CELF4: variants seen among roughly 807,000 people sequenced by gnomAD.
The protein encoded by CELF4 is CUGBP Elav-like family member 4.
In CELF4, 18 loss-of-function variants were observed where a neutral mutation model predicts 59.9. The observed-to-expected ratio is 0.30, with a 90% confidence interval of 0.21 to 0.45. The LOEUF is 0.45. Among genes scored for constraint, CELF4 ranks in the 20% least tolerant of loss-of-function variants. The probability of loss-of-function intolerance (pLI) is 1.00; values close to 1 mark genes in which losing one functional copy is unlikely to be tolerated. For missense variants in CELF4, 456 were observed against 689.0 expected (o/e 0.66, Z 3.79); for synonymous variants, 261 against 267.1 (o/e 0.98, Z 0.22).
intron 2 of CELF4, among the ~76,000 whole-genome samples, chr18:37,465,972 GC>G (rs2154602338): frequency 6.6e-6 from 1 of 152,280 alleles, no homozygotes; most frequent in Admixed American, 6.5e-5. Context: ...GCACCAGGGA[GC>G]CATGGAGGGT....
At chr18:37,552,598 C>T (rs985449260) in intron 1 of CELF4, among the ~76,000 whole-genome samples, 4 of 152,230 alleles carry the variant, frequency 2.6e-5, no homozygotes, top group Admixed American at 2.0e-4. Context: ...ATCACTGGCT[C>T]AGCCAAGACA....
At chr18:37,389,670 G>T (rs2099136585) in intron 2 of CELF4, among the ~76,000 whole-genome samples, 1 of 152,134 alleles carries the variant, frequency 6.6e-6, no homozygotes. Flanking sequence ...CACCCCTGAG[G>T]ATGGTCACCG....
At chr18:37,498,268 CT>C (rs1298735727) in intron 1 of CELF4, among the ~76,000 whole-genome samples, 7 of 152,062 alleles carry the variant, frequency 4.6e-5, no homozygotes, top group Non-Finnish European at 8.8e-5. Flanking sequence ...GGCTTTCTCA[CT>C]TTCTGTTCTT....
chr18:37,333,419 A>G (rs1450573709), intron 2 of CELF4, among the ~76,000 whole-genome samples: 1 of 146,142 alleles, frequency 6.8e-6, no homozygotes, highest in African/African-American at 2.6e-5. Context: ...CTCCTCTCAC[A>G]TCTTCCCTGC....
At chr18:37,273,294 G>A (rs972612808) in intron 6 of CELF4, 131 bp from the exon 7 acceptor site, 1 of 1,442,078 alleles carries the variant, frequency 6.9e-7, no homozygotes, top group Non-Finnish European at 9.1e-7. Flanking sequence ...ACTCCAGAAA[G>A]CCCTGATGCC....
intron 2 of CELF4, among the ~76,000 whole-genome samples, chr18:37,356,179 C>T (rs1030907865): frequency 2.6e-5 from 4 of 152,314 alleles, no homozygotes; most frequent in Admixed American, 2.6e-4. Flanking sequence ...GACAGAACCA[C>T]CATGGGGCCA....
At chr18:37,461,464 G>T (rs1363917033) in intron 2 of CELF4, among the ~76,000 whole-genome samples, 1 of 152,154 alleles carries the variant, frequency 6.6e-6, no homozygotes, top group Non-Finnish European at 1.5e-5. Flanking sequence ...GATCTTGTGA[G>T]AACTCATTCA....
At chr18:37,457,993 T>C (rs893932872) in intron 2 of CELF4, among the ~76,000 whole-genome samples, 2 of 151,872 alleles carry the variant, frequency 1.3e-5, no homozygotes, top group African/African-American at 4.8e-5. Flanking sequence ...AGGCTGAGGG[T>C]GTTGGCAGAG....
rs1313436082 is a variant in CELF4 at position 37,321,820 on chromosome 18, A to G, written c.431T>C (p.Leu144Pro). The change falls in exon 3 of 13, where the codon CTG becomes CCG. Residue 144 changes from leucine (L) to proline (P), a missense_variant. By Grantham distance (98) the Leu-to-Pro change is moderately conservative. Around this residue, in one of 7 missense-constraint regions of CELF4, gnomAD observed 63 missense variants for 110.6 expected, o/e 0.57. Coordinates refer to ENST00000420428, the MANE Select transcript of CELF4 (RefSeq NM_020180.4). ...DSESRGGSSC[L>P]RQPPSQDRKL... ...GCCCTCACGTGAAGGGGGCTGGCGC[A>G]GGCAGCTACTACCTCCTCGGCTCTC... 7 of 1,612,256 alleles carry G rather than the reference A, an allele frequency of 4.3e-6. No individual in the cohort carries two copies. Among genetic ancestry groups the G allele is most frequent in the Non-Finnish European group, 5.9e-6 (7 of 1,179,166 alleles).
rs987724948 is a variant in CELF4, at chr18:37,510,237, C to T, written c.287-24630G>A. ...ACAACTTTACCCTCCTCCTGCCCCA[C>T]GAGTTGCAATATTCCAGCCCAGAAT... is the stretch of plus-strand genomic sequence containing the variant. On this transcript the variant is annotated intron_variant, in intron 1 of 12. Transcript: ENST00000420428. 6.6e-5 allele frequency among the ~76,000 whole-genome samples: 10 copies of T among 152,190 alleles called. No homozygotes were observed. In the South Asian group the frequency reaches 1.2e-3, roughly 19 times the overall value.
intron 2 of CELF4, among the ~76,000 whole-genome samples, chr18:37,462,174 G>T (rs55821042): frequency 0.44 from 66,595 of 151,884 alleles, 15,971 homozygotes; most frequent in East Asian, 0.65. Flanking sequence ...TGATCTGGGG[G>T]TTGCCCCTGT....
downstream of CELF4, chr18:37,243,013 C>T (rs972952247): frequency 2.0e-5 from 3 of 152,102 alleles, no homozygotes; most frequent in African/African-American, 7.2e-5. Flanking sequence ...GGCCAGAGTC[C>T]GAGAGGCACA....
At chr18:37,501,099 G>A (rs909221533) in intron 1 of CELF4, among the ~76,000 whole-genome samples, 1 of 152,238 alleles carries the variant, frequency 6.6e-6, no homozygotes, top group Non-Finnish European at 1.5e-5. Flanking sequence ...TGGAGTGAGA[G>A]AAGGTGGGGG....
intron 1 of CELF4, among the ~76,000 whole-genome samples, chr18:37,517,713 G>C (rs1200788636): frequency 6.6e-6 from 1 of 152,146 alleles, no homozygotes. Context: ...GGCTCCTGGT[G>C]GGTGTCCGAT....
intron 1 of CELF4, among the ~76,000 whole-genome samples, chr18:37,526,924 T>C (rs1273117956): frequency 2.6e-5 from 4 of 152,082 alleles, no homozygotes; most frequent in African/African-American, 9.7e-5. Context: ...CTCTGAGAGC[T>C]CTGAAACAAG....
intron 2 of CELF4, among the ~76,000 whole-genome samples, chr18:37,354,871 G>C (rs558319492): frequency 6.6e-6 from 1 of 152,334 alleles, no homozygotes; most frequent in African/African-American, 2.4e-5. Flanking sequence ...CTGGTTTGTG[G>C]TGGGAGCCAG....
intron 3 of CELF4, among the ~76,000 whole-genome samples, chr18:37,286,148 G>A (rs999020208): frequency 1.3e-5 from 2 of 152,144 alleles, no homozygotes; most frequent in Non-Finnish European, 2.9e-5. Flanking sequence ...TACAGGGCAG[G>A]AGGGGCAAGA....
chr18:37,274,020 G>A (rs1020785905), intron 6 of CELF4: 1 of 1,251,428 alleles, frequency 8.0e-7, no homozygotes, highest in Non-Finnish European at 1.0e-6. Flanking sequence ...TGATCTGGCT[G>A]AGAGGAAAAG....
At chr18:37,353,721 G>A (rs1230303476) in intron 2 of CELF4, among the ~76,000 whole-genome samples, 2 of 133,910 alleles carry the variant, frequency 1.5e-5, no homozygotes, top group African/African-American at 2.8e-5. Flanking sequence ...AGGTAGAAAT[G>A]CCAAAGAGAC....
Sources: gnomAD v4.1 joint callset for allele counts (sites outside exome capture counted in the v4.1 genomes callset) on GRCh38, gnomAD v4.1.1 for gene constraint, gnomAD v4.1.1 regional missense constraint, MANE v1.5 for transcripts, NCBI Gene and HGNC (gene_info 2026-07-23, HGNC 2026-07-21) for gene names.